The following IKZF3 variants were observed in gnomAD, a reference collection of about 807,000 sequenced individuals.
The protein encoded by IKZF3 is zinc finger protein Aiolos.
A neutral mutation model predicts 49.0 loss-of-function variants in IKZF3; 10 were observed. That is an observed-to-expected ratio of 0.20 (90% confidence interval 0.13 to 0.35). The LOEUF is 0.35. IKZF3 is among the 10% of genes least tolerant of loss of function. The pLI, the probability that IKZF3 is intolerant of heterozygous loss-of-function variation, is 1.00. For synonymous variants in IKZF3, 209 were observed against 228.2 expected (o/e 0.92, Z 0.76); for missense variants, 498 against 664.8 (o/e 0.75, Z 2.76).
chr17:39,823,825 T>A (rs766848972), intron 3 of IKZF3, among the ~76,000 whole-genome samples: 52 of 152,192 alleles, frequency 3.4e-4, no homozygotes, highest in Admixed American at 5.2e-4. Flanking sequence ...AGAGGATGTA[T>A]GAAAACATCG....
At chr17:39,795,879 C>T (rs1317028125) in intron 3 of IKZF3, among the ~76,000 whole-genome samples, 5 of 151,046 alleles carry the variant, frequency 3.3e-5, no homozygotes, top group African/African-American at 9.7e-5. Context: ...ATAGCAAAAC[C>T]CCGTCTCCAC....
chr17:39,833,102 C>T (rs771162710), intron 1 of IKZF3, among the ~76,000 whole-genome samples: 11 of 152,142 alleles, frequency 7.2e-5, no homozygotes, highest in Non-Finnish European at 1.0e-4. Flanking sequence ...TTTTTGCTTT[C>T]TCACATATGT....
At chr17:39,847,366 T>C (rs1202932634) in intron 1 of IKZF3, among the ~76,000 whole-genome samples, 3 of 152,174 alleles carry the variant, frequency 2.0e-5, no homozygotes, top group African/African-American at 7.2e-5. Flanking sequence ...ATCTGATGTT[T>C]GAATGTCCTC....
intron 1 of IKZF3, among the ~76,000 whole-genome samples, chr17:39,857,690 C>A (rs556054721): frequency 6.6e-6 from 1 of 152,106 alleles, no homozygotes; most frequent in African/African-American, 2.4e-5. Context: ...TTCCTTCCCC[C>A]CTTTACTATA....
At chr17:39,860,774 T>C (rs894587104) in intron 1 of IKZF3, among the ~76,000 whole-genome samples, 1 of 152,186 alleles carries the variant, frequency 6.6e-6, no homozygotes, top group Admixed American at 6.5e-5. Flanking sequence ...TAGGACACTA[T>C]GCTCATTATT....
chr17:39,766,333 A>G lies in IKZF3; in HGVS notation c.987T>C (p.Ala329=). The G allele has an allele frequency of 1.2e-6, 2 of 1,614,142 alleles. No homozygotes were observed. Reference sequence around the variant, plus strand: ...TAACTGGAACCATCTCCGAGGTGGGAGCAGGCGGTGTCTGGACCAAGGGGC... The same window carrying G: ...TAACTGGAACCATCTCCGAGGTGGGGGCAGGCGGTGTCTGGACCAAGGGGC... ...ALRPLVQTPP[A]PTSEMVPVIS... The change falls in exon 8 of 8, where the codon GCT becomes GCC. Residue 329 remains alanine (A), a synonymous_variant. Transcript: ENST00000346872.
chr17:39,774,874 T>C (rs2060539131), intron 7 of IKZF3, among the ~76,000 whole-genome samples: 1 of 152,206 alleles, frequency 6.6e-6, no homozygotes, highest in Non-Finnish European at 1.5e-5. Context: ...TAGGATATGG[T>C]TTATAGCATA....
intron 7 of IKZF3, among the ~76,000 whole-genome samples, chr17:39,775,483 T>G (rs1037384312): frequency 6.6e-6 from 1 of 152,210 alleles, no homozygotes; most frequent in African/African-American, 2.4e-5. Context: ...CATGCTATAT[T>G]TTTGAACCCA....
intron 1 of IKZF3, chr17:39,835,153 C>T: frequency 4.1e-6 from 2 of 485,248 alleles, no homozygotes; most frequent in South Asian, 3.1e-5. Context: ...CTCAGCCCAC[C>T]TGAGTAGCCC....
At position 39,766,211 on chromosome 17, in the gene IKZF3, C is replaced by T. The variant is rs1350884951; in HGVS notation, c.1109G>A (p.Ser370Asn). 6.2e-7 allele frequency: 1 copy of T among 1,614,176 alleles called. No individual in the cohort carries two copies. Among genetic ancestry groups the T allele is most frequent in the East Asian group, 2.2e-5 (1 of 44,880 alleles). The change falls in exon 8 of 8, where the codon AGC (serine) becomes AAC (asparagine). Residue 370 changes from serine (S) to asparagine (N), a missense_variant. Transcript: ENST00000346872. Reference protein sequence around the residue: ...EKKSIHLPEKSVPSERGLSPN... With the variant: ...EKKSIHLPEKNVPSERGLSPN... The stretch of plus-strand genomic sequence containing the variant: ...AGAGAGGCCTCTCTCAGAAGGCACG[C>T]TCTTCTCTGGAAGGTGGATGCTTTT...
At chr17:39,769,030 G>A (rs371993281) in intron 7 of IKZF3, among the ~76,000 whole-genome samples, 3 of 152,196 alleles carry the variant, frequency 2.0e-5, no homozygotes, top group East Asian at 1.9e-4. Context: ...TCCTTAGTAT[G>A]ATCCAGGAGA....
intron 1 of IKZF3, among the ~76,000 whole-genome samples, chr17:39,841,468 C>A (rs2062465129): frequency 6.6e-6 from 1 of 151,996 alleles, no homozygotes; most frequent in Admixed American, 6.6e-5. Context: ...ATGGGGCTGT[C>A]AGAGCTCAAG....
intron 1 of IKZF3, among the ~76,000 whole-genome samples, chr17:39,845,348 C>T (rs1568055264): frequency 6.6e-6 from 1 of 151,548 alleles, no homozygotes; most frequent in Admixed American, 6.6e-5. Flanking sequence ...GGCAAAACCC[C>T]GTCTTTATAA....
At chr17:39,808,211 A>G (rs796964142) in intron 3 of IKZF3, among the ~76,000 whole-genome samples, 17 of 152,330 alleles carry the variant, frequency 1.1e-4, no homozygotes, top group African/African-American at 3.8e-4. Flanking sequence ...CATATGACAA[A>G]TGCTCAGAAG....
chr17:39,782,156 T>C (rs753201369), intron 6 of IKZF3, among the ~76,000 whole-genome samples: 1 of 152,352 alleles, frequency 6.6e-6, no homozygotes, highest in African/African-American at 2.4e-5. Context: ...TAGTTTTCAA[T>C]TGAAGATGGC....
intron 6 of IKZF3, among the ~76,000 whole-genome samples, chr17:39,784,680 G>C (rs911241993): frequency 6.6e-6 from 1 of 152,162 alleles, no homozygotes; most frequent in Admixed American, 6.5e-5. Flanking sequence ...AGGATTACAG[G>C]CGCGACCCAC....
At chr17:39,799,670 G>T (rs571335005) in intron 3 of IKZF3, among the ~76,000 whole-genome samples, 1 of 152,280 alleles carries the variant, frequency 6.6e-6, no homozygotes, top group African/African-American at 2.4e-5. Context: ...GCACATTAAA[G>T]TCTGAGAAGC....
chr17:39,783,842 T>G (rs188510359), intron 6 of IKZF3, among the ~76,000 whole-genome samples: 109 of 152,156 alleles, frequency 7.2e-4, no homozygotes, highest in African/African-American at 2.5e-3. Flanking sequence ...GGCAGGAGAA[T>G]TGCTTGAACC....
chr17:39,826,089 C>T (rs574902644), intron 3 of IKZF3, among the ~76,000 whole-genome samples: 85 of 152,270 alleles, frequency 5.6e-4, no homozygotes, highest in Non-Finnish European at 8.8e-5. Context: ...ATCATCCAGC[C>T]TAGAGAGCAG....
Sources: gnomAD v4.1 joint callset for allele counts (sites outside exome capture counted in the v4.1 genomes callset) on GRCh38, gnomAD v4.1.1 for gene constraint, MANE v1.5 for transcripts, NCBI Gene and HGNC (gene_info 2026-07-23, HGNC 2026-07-21) for gene names.